Variants in MIPOL1 observed in about 807,000 individuals in gnomAD.
MIPOL1 encodes mirror-image polydactyly gene 1 protein.
A neutral mutation model predicts 60.9 loss-of-function variants in MIPOL1; 57 were observed. The observed-to-expected ratio is 0.94, with a 90% CI of 0.76 to 1.17. The LOEUF is 1.17. MIPOL1 is among the 50% of genes most tolerant of loss of function. The probability of loss-of-function intolerance (pLI) is 0.00; values close to 1 mark genes in which losing one functional copy is unlikely to be tolerated. For missense variants in MIPOL1, 551 were observed against 511.6 expected (o/e 1.08, Z -0.74); for synonymous variants, 179 against 168.8 (o/e 1.06, Z -0.47).
chr14:37,251,438 T>C (rs1044355988), intron 3 of MIPOL1, among the ~76,000 whole-genome samples: 7 of 151,972 alleles, frequency 4.6e-5, no homozygotes, highest in African/African-American at 7.3e-5. Context: ...AAAAACAATG[T>C]GTGTGTGAAT....
At chr14:37,427,076 A>G (rs781537543) in intron 11 of MIPOL1, among the ~76,000 whole-genome samples, 8 of 152,170 alleles carry the variant, frequency 5.3e-5, no homozygotes, top group Non-Finnish European at 1.0e-4. Context: ...TATACCCAAA[A>G]GAATTGAAAG....
At chr14:37,333,969 A>G (rs1447751349) in intron 9 of MIPOL1, among the ~76,000 whole-genome samples, 1 of 102,576 alleles carries the variant, frequency 9.7e-6, no homozygotes, top group Admixed American at 1.2e-4. Flanking sequence ...ATAAATTTGA[A>G]GATTGAATTT....
intron 10 of MIPOL1, among the ~76,000 whole-genome samples, chr14:37,409,764 G>A (rs978788385): frequency 1.7e-4 from 26 of 152,230 alleles, no homozygotes; most frequent in African/African-American, 4.8e-4. Flanking sequence ...CCAGCCTGGC[G>A]ACAGAGCAAG....
intron 12 of MIPOL1, among the ~76,000 whole-genome samples, chr14:37,528,924 C>T (rs1415546603): frequency 1.3e-5 from 2 of 152,130 alleles, no homozygotes; most frequent in Non-Finnish European, 2.9e-5. Flanking sequence ...CAGTCATCCT[C>T]TGTCCTCAGT....
intron 12 of MIPOL1, among the ~76,000 whole-genome samples, chr14:37,525,980 GGAGA>G (rs2095443515): frequency 6.6e-6 from 1 of 152,056 alleles, no homozygotes; most frequent in Non-Finnish European, 1.5e-5. Flanking sequence ...CCTCAATGAT[GGAGA>G]GAATCAATGG....
chr14:37,438,317 T>TA (rs2094193788), intron 11 of MIPOL1, among the ~76,000 whole-genome samples: 3 of 152,224 alleles, frequency 2.0e-5, no homozygotes, highest in Non-Finnish European at 2.9e-5. Context: ...TTTTTAAAGC[T>TA]ACGTTTGTAA....
At chr14:37,318,654 GC>G (rs61203682) in intron 9 of MIPOL1, among the ~76,000 whole-genome samples, 143,239 of 152,154 alleles carry the variant, frequency 0.94, 67,829 homozygotes, top group East Asian at 1. Context: ...GGAAAAAATT[GC>G]CCCCAAGCTC....
At chr14:37,526,683 G>T (rs2095449750) in intron 12 of MIPOL1, among the ~76,000 whole-genome samples, 1 of 151,818 alleles carries the variant, frequency 6.6e-6, no homozygotes, top group African/African-American at 2.4e-5. Flanking sequence ...ACCTGGCCTG[G>T]TTTAATTTTT....
At chr14:37,202,482 G>A (rs1183504614) in intron 1 of MIPOL1, among the ~76,000 whole-genome samples, 3 of 152,016 alleles carry the variant, frequency 2.0e-5, no homozygotes, top group South Asian at 2.1e-4. Context: ...GTTCATATGC[G>A]TGTTTTTCAT....
chr14:37,237,749 G>A (rs1971714165), intron 1 of MIPOL1, among the ~76,000 whole-genome samples: 1 of 152,100 alleles, frequency 6.6e-6, no homozygotes, highest in Non-Finnish European at 1.5e-5. Flanking sequence ...TGGGTGGTTT[G>A]TGTCTGGCTA....
Position 37,254,448 on chromosome 14 carries a change from G to A in MIPOL1, c.19+6541G>A, listed in dbSNP as rs1053535767. On this transcript the variant is annotated intron_variant, in intron 3 of 12. Transcript: ENST00000684589. ...TGCCACAAATTATTTTTTAAATTAT[G>A]TTTTGGCAGTTTAAAAAATAGAGTT... Among the ~76,000 whole-genome samples the A allele has an allele frequency of 1.4e-4, 21 of 151,740 alleles. 1 individual carries two copies. In the Middle Eastern group the frequency reaches 0.01, roughly 74 times the overall value.
intron 1 of MIPOL1, among the ~76,000 whole-genome samples, chr14:37,231,821 T>C (rs543809186): frequency 0.021 from 3,227 of 152,242 alleles, 48 homozygotes; most frequent in Non-Finnish European, 0.03. Context: ...GGCTCGCACC[T>C]GTTATCCTAG....
chr14:37,544,871 A>G (rs1481527908), intron 12 of MIPOL1, among the ~76,000 whole-genome samples: 1 of 152,208 alleles, frequency 6.6e-6, no homozygotes, highest in Non-Finnish European at 1.5e-5. Flanking sequence ...TTAACAACAT[A>G]TAAGAGTTCT....
intron 11 of MIPOL1, among the ~76,000 whole-genome samples, chr14:37,482,826 C>A (rs930215477): frequency 7.9e-5 from 12 of 152,168 alleles, no homozygotes; most frequent in Admixed American, 3.3e-4. Flanking sequence ...AAAAGGGAAC[C>A]CTTGTATACT....
At chr14:37,379,165 T>C (rs565212066) in intron 10 of MIPOL1, among the ~76,000 whole-genome samples, 2 of 152,168 alleles carry the variant, frequency 1.3e-5, no homozygotes, top group African/African-American at 2.4e-5. Flanking sequence ...CTCATACTTA[T>C]GGTCAATTGA....
chr14:37,551,482 TATAAA>T (rs1297305594), downstream of MIPOL1: 4 of 152,104 alleles, frequency 2.6e-5, no homozygotes, highest in East Asian at 3.8e-4. Context: ...ACTATTTAGA[TATAAA>T]ATAAAATTAT....
chr14:37,454,541 A>T (rs1291100537), intron 11 of MIPOL1, among the ~76,000 whole-genome samples: 1 of 152,208 alleles, frequency 6.6e-6, no homozygotes, highest in Non-Finnish European at 1.5e-5. Flanking sequence ...AGTCATAGTG[A>T]TATTGAATGA....
At position 37,419,946 on chromosome 14, in the gene MIPOL1, G is replaced by A. The variant is rs184881419; in HGVS notation, c.937-2909G>A. On this transcript the variant is annotated intron_variant, in intron 10 of 12. Coordinates refer to ENST00000684589, the MANE Select transcript of MIPOL1 (RefSeq NM_001388067.1). ...TGTGGAGATGAGGTCTTGCTATGTT[G>A]TCCAGGCTGATCTCAACCTCCTGGG... Among the ~76,000 whole-genome samples, 25 of 152,064 alleles carry A rather than the reference G, an allele frequency of 1.6e-4. No individual in the cohort carries two copies. In the East Asian group the frequency reaches 4.5e-3, roughly 27 times the overall value.
At chr14:37,203,096 A>C (rs1048472954) in intron 1 of MIPOL1, among the ~76,000 whole-genome samples, 1 of 152,168 alleles carries the variant, frequency 6.6e-6, no homozygotes, top group South Asian at 2.1e-4. Context: ...AGATTAATCA[A>C]TTGTAGCTGC....
Sources: gnomAD v4.1 joint callset for allele counts (sites outside exome capture counted in the v4.1 genomes callset) on GRCh38, gnomAD v4.1.1 for gene constraint, MANE v1.5 for transcripts, NCBI Gene and HGNC (gene_info 2026-07-23, HGNC 2026-07-21) for gene names.